Variants in ALMS1 observed in about 807,000 individuals in gnomAD.
ALMS1 encodes the protein centrosome-associated protein ALMS1.
A neutral mutation model predicts 352.2 loss-of-function variants in ALMS1; 271 were observed. The observed-to-expected ratio is 0.77, with a 90% confidence interval of 0.70 to 0.85. The LOEUF is 0.85. Ranked by LOEUF, ALMS1 falls within the 40% of genes least tolerant of loss-of-function variation. The pLI is 0.00. For missense variants in ALMS1, 5,445 were observed against 4,870.7 expected (o/e 1.12, Z -3.51); for synonymous variants, 1,865 against 1,761.2 (o/e 1.06, Z -1.48).
At position 73,490,776 on chromosome 2, in the gene ALMS1, T is replaced by A; in HGVS notation, c.8817T>A (p.Asp2939Glu). 2 of 1,614,062 alleles carry A rather than the reference T, an allele frequency of 1.2e-6. No homozygotes were observed. Residue 2939 changes from aspartate (D) to glutamate (E), a missense_variant, in exon 10 of 23, where the codon GAT becomes GAA. Coordinates refer to ENST00000613296, the MANE Select transcript of ALMS1 (RefSeq NM_001378454.1). ...LFEQCKAPYV[D>E]HQMRENHSPL... ...AACAGTGCAAAGCCCCATATGTAGATCATCAAATGAGAGAAAACCATTCTC... is the reference window on the plus strand; with the variant it reads ...AACAGTGCAAAGCCCCATATGTAGAACATCAAATGAGAGAAAACCATTCTC...
At chr2:73,465,831 A>T (rs1672328025) in intron 9 of ALMS1, among the ~76,000 whole-genome samples, 2 of 152,228 alleles carry the variant, frequency 1.3e-5, no homozygotes, top group African/African-American at 2.4e-5. Flanking sequence ...GAAGGATATG[A>T]ACAGACACTT....
intron 9 of ALMS1, chr2:73,457,888 C>T (rs1463341154): frequency 2.0e-5 from 3 of 151,824 alleles, no homozygotes; most frequent in South Asian, 2.1e-4. Context: ...CAAAAATTAC[C>T]TGGGTGTCAT....
intron 1 of ALMS1, among the ~76,000 whole-genome samples, chr2:73,391,684 C>A (rs918366619): frequency 6.6e-6 from 1 of 152,088 alleles, no homozygotes; most frequent in Non-Finnish European, 1.5e-5. Context: ...TGAGGAACTG[C>A]TAGATTTTAT....
intron 7 of ALMS1, among the ~76,000 whole-genome samples, chr2:73,433,536 G>T (rs1208463821): frequency 6.6e-6 from 1 of 152,106 alleles, no homozygotes; most frequent in Non-Finnish European, 1.5e-5. Flanking sequence ...AGTTTGAAGG[G>T]TGATGAAATC....
chr2:73,601,757 T>A (rs1675695039), intron 19 of ALMS1, among the ~76,000 whole-genome samples: 1 of 152,250 alleles, frequency 6.6e-6, no homozygotes, highest in Non-Finnish European at 1.5e-5. Context: ...TTGTGCGGCC[T>A]CATGTGTGTT....
intron 1 of ALMS1, among the ~76,000 whole-genome samples, chr2:73,401,358 T>A (rs997807782): frequency 6.6e-6 from 1 of 152,196 alleles, no homozygotes; most frequent in African/African-American, 2.4e-5. Flanking sequence ...ATATATACAT[T>A]CGGTGTTATA....
intron 1 of ALMS1, among the ~76,000 whole-genome samples, chr2:73,395,153 C>T (rs1436683892): frequency 1.4e-5 from 2 of 147,520 alleles, no homozygotes; most frequent in Non-Finnish European, 3.0e-5. Context: ...ACAATCTCCG[C>T]CCACTGCAAC....
At chr2:73,509,339 A>G (rs1001806633) in intron 10 of ALMS1, among the ~76,000 whole-genome samples, 8 of 152,080 alleles carry the variant, frequency 5.3e-5, no homozygotes, top group African/African-American at 1.9e-4. Context: ...GTTTCTTCAT[A>G]GTGTTGATGG....
chr2:73,550,719 T>G (rs913091455), intron 13 of ALMS1, among the ~76,000 whole-genome samples: 34 of 152,358 alleles, frequency 2.2e-4, no homozygotes, highest in African/African-American at 7.2e-4. Flanking sequence ...CAAGTATGTT[T>G]TAGATACTAA....
chr2:73,414,489 G>GC (rs201673681), intron 2 of ALMS1, among the ~76,000 whole-genome samples: 1 of 94,252 alleles, frequency 1.1e-5, no homozygotes, highest in Non-Finnish European at 2.0e-5. Context: ...TTTTTTTTTT[G>GC]TTTTTTTTTT....
intron 9 of ALMS1, chr2:73,456,870 C>T (rs115015312): frequency 6.6e-6 from 1 of 152,250 alleles, no homozygotes; most frequent in African/African-American, 2.4e-5. Flanking sequence ...ATCTGTGTTT[C>T]CCTATTTTTA....
Position 73,564,295 on chromosome 2 carries a change from G to A in ALMS1, c.10384+5153G>A, listed in dbSNP as rs894117352. Among the ~76,000 whole-genome samples the A allele has an allele frequency of 2.0e-5, 3 of 151,720 alleles. No individual in the cohort carries two copies. In the East Asian group the frequency reaches 5.8e-4, roughly 29 times the overall value. Reference sequence around the variant, plus strand: ...AGCATGGTCAACATGGCGAAACCCCGTCTCTACTGAAAATACAAAATATAG... The same window carrying A: ...AGCATGGTCAACATGGCGAAACCCCATCTCTACTGAAAATACAAAATATAG... On this transcript the variant is annotated intron_variant, in intron 15 of 22. Transcript: ENST00000613296.
chr2:73,600,544 C>T, intron 17 of ALMS1, 134 bp from the exon 18 acceptor site: 1 of 771,706 alleles, frequency 1.3e-6, no homozygotes, highest in Non-Finnish European at 2.0e-6. Context: ...CTTCCTCTCT[C>T]TTCGCATCCC....
At chr2:73,524,599 C>T (rs889180389) in intron 11 of ALMS1, among the ~76,000 whole-genome samples, 5 of 152,006 alleles carry the variant, frequency 3.3e-5, no homozygotes, top group Non-Finnish European at 7.4e-5. Context: ...ATTACAGGCA[C>T]CCGCCACCAC....
chr2:73,449,507 C>A lies in ALMS1; in HGVS notation c.2980C>A (p.Pro994Thr). 1 of 1,613,874 alleles carries A rather than the reference C, an allele frequency of 6.2e-7. No homozygotes were observed. Among genetic ancestry groups the A allele is most frequent in the Non-Finnish European group, 8.5e-7 (1 of 1,179,928 alleles). Residue 994 changes from proline (P) to threonine (T), a missense_variant, in exon 8 of 23, where the codon CCA becomes ACA. By Grantham distance (38) the Pro-to-Thr change is conservative (BLOSUM62 -1). Transcript: ENST00000613296. Reference protein sequence around the residue: ...IPGLTDQKTVPTPTVPSGSFS... With the variant: ...IPGLTDQKTVTTPTVPSGSFS... ...TGGACTGACTGACCAGAAGACTGTC[C>A]CAACACCAACAGTACCTTCAGGTTC... is the stretch of plus-strand genomic sequence containing the variant.
At chr2:73,510,568 C>A (rs181380147) in intron 10 of ALMS1, among the ~76,000 whole-genome samples, 1 of 152,318 alleles carries the variant, frequency 6.6e-6, no homozygotes, top group East Asian at 1.9e-4. Flanking sequence ...AAGTTTGCTG[C>A]CTTCTCCTAC....
intron 12 of ALMS1, among the ~76,000 whole-genome samples, chr2:73,539,559 A>G (rs1222063390): frequency 6.6e-6 from 1 of 152,338 alleles, no homozygotes; most frequent in East Asian, 1.9e-4. Context: ...AGAAGGCTTC[A>G]GATGATCAAA....
chr2:73,424,626 G>A lies in ALMS1; in HGVS notation c.961G>A (p.Glu321Lys), dbSNP rs763730338. ...TTTACCTTCTGAACAAGGGAATAAT[G>A]AAGAGACTATTTCGTCTGTTGATGA... is the stretch of plus-strand genomic sequence containing the variant. ...PFLPSEQGNNEETISSVDELK... is the reference protein window; with the variant it reads ...PFLPSEQGNNKETISSVDELK... Residue 321 changes from glutamate to lysine, a missense_variant, in exon 5 of 23, where the codon GAA (glutamate) becomes AAA (lysine). Coordinates refer to ENST00000613296, the MANE Select transcript of ALMS1 (RefSeq NM_001378454.1). 1.2e-6 allele frequency: 2 copies of A among 1,613,906 alleles called. No individual in the cohort carries two copies. Among genetic ancestry groups the A allele is most frequent in the African/African-American group, 2.7e-5 (2 of 74,918 alleles).
chr2:73,503,705 A>G (rs532793183), intron 10 of ALMS1, among the ~76,000 whole-genome samples: 1 of 152,296 alleles, frequency 6.6e-6, no homozygotes, highest in African/African-American at 2.4e-5. Flanking sequence ...ACTAGTTTAC[A>G]GTCCCACCAA....
Sources: gnomAD v4.1 joint callset for allele counts (sites outside exome capture counted in the v4.1 genomes callset) on GRCh38, gnomAD v4.1.1 for gene constraint, MANE v1.5 for transcripts, NCBI Gene and HGNC (gene_info 2026-07-23, HGNC 2026-07-21) for gene names.